VCL: variants seen among roughly 807,000 people sequenced by gnomAD.
The protein encoded by VCL is epididymis luminal protein 114.
A neutral mutation model predicts 125.7 loss-of-function variants in VCL; 47 were observed. The observed-to-expected ratio is 0.37, with a 90% CI of 0.30 to 0.48. The LOEUF (loss-of-function observed/expected upper bound fraction) is 0.48. Among genes scored for constraint, VCL ranks in the 20% least tolerant of loss-of-function variants. The pLI is 0.99. For missense variants in VCL, 1,069 were observed against 1,455.5 expected (o/e 0.73, Z 4.32); for synonymous variants, 458 against 514.6 (o/e 0.89, Z 1.49).
In VCL at chr10:74,074,908, G is replaced by T; in HGVS notation, c.783+5G>T. On this transcript the variant is annotated splice_donor_5th_base_variant and intron_variant, in intron 6 of 21. Coordinates refer to ENST00000211998, the MANE Select transcript of VCL (RefSeq NM_014000.3). ...GAAGATGCCTGGGCCAGCAAGGTAC[G>T]TGTTCTTAGTGGAGAAATAAGCAAA... 1 of 1,614,142 alleles carries T rather than the reference G, an allele frequency of 6.2e-7. No homozygotes were observed. The highest frequency in any genetic ancestry group is 1.3e-5 in the African/African-American group (1 of 75,046).
chr10:74,022,473 GA>G (rs1305377445), intron 1 of VCL, among the ~76,000 whole-genome samples: 1 of 151,802 alleles, frequency 6.6e-6, no homozygotes, highest in East Asian at 2.0e-4. Context: ...TTGAACCCAG[GA>G]GGCAGCAGTT....
At chr10:74,080,032 C>A (rs1406498817) in intron 6 of VCL, among the ~76,000 whole-genome samples, 1 of 152,136 alleles carries the variant, frequency 6.6e-6, no homozygotes, top group African/African-American at 2.4e-5. Flanking sequence ...GAATTACATT[C>A]TTTCCTTGCA....
At position 74,072,778 on chromosome 10, in the gene VCL, C is replaced by T. The variant is rs781748134; in HGVS notation, c.548C>T (p.Thr183Ile). The change falls in exon 5 of 22, where the codon ACT (threonine) becomes ATT (isoleucine). Residue 183 changes from threonine (T) to isoleucine (I), a missense_variant. Thr to Ile is a moderately conservative substitution (Grantham distance 89). Coordinates refer to ENST00000211998, the MANE Select transcript of VCL (RefSeq NM_014000.3). ...KMIDERQQEL[T>I]HQEHRVMLVN... ...ATTGACGAGAGACAGCAGGAGCTCA[C>T]TCACCAGGAGCACCGAGTGATGTTG... The T allele has an allele frequency of 6.2e-7, 1 of 1,614,110 alleles. No individual in the cohort carries two copies. Among genetic ancestry groups the T allele is most frequent in the Non-Finnish European group, 8.5e-7 (1 of 1,180,004 alleles).
chr10:74,004,275 A>C (rs1044642946), intron 1 of VCL, among the ~76,000 whole-genome samples: 1 of 152,240 alleles, frequency 6.6e-6, no homozygotes, highest in Non-Finnish European at 1.5e-5. Context: ...GTGATCATTT[A>C]TAGCTCATAA....
At position 74,040,169 on chromosome 10, in the gene VCL, A is replaced by G. The variant is rs541686822; in HGVS notation, c.169-2914A>G. ...TCCAGCCCGTACTCTTTATTATAGC[A>G]TCATTCTTACCATTATCTGGAATCA... On this transcript the variant is annotated intron_variant, in intron 1 of 21. Transcript: ENST00000211998. 1.9e-4 allele frequency among the ~76,000 whole-genome samples: 29 copies of G among 152,266 alleles called. No individual in the cohort carries two copies. In the South Asian group the frequency reaches 4.6e-3, roughly 24 times the overall value.
chr10:74,080,394 T>C (rs543025744), intron 6 of VCL, among the ~76,000 whole-genome samples: 6 of 152,272 alleles, frequency 3.9e-5, no homozygotes, highest in African/African-American at 1.2e-4. Context: ...TAGGAGTCAG[T>C]TCCTGTTTCT....
chr10:74,043,048 T>C (rs769643396), intron 1 of VCL, 35 bp from the exon 2 acceptor site: 126 of 1,573,306 alleles, frequency 8.0e-5, no homozygotes, highest in Non-Finnish European at 1.1e-4. Context: ...GTCTGAGAAT[T>C]TATATTTGAA....
In VCL at chr10:74,097,079, C is replaced by G; in HGVS notation, c.1744-125C>G. ...CTGTGCTAGCTCAGTGCTTTGTACACAGTTAACAAATATTTATTGAATGAA... is the reference window on the plus strand; with the variant it reads ...CTGTGCTAGCTCAGTGCTTTGTACAGAGTTAACAAATATTTATTGAATGAA... On this transcript the variant is annotated intron_variant, in intron 12 of 21. Transcript: ENST00000211998. The surrounding 1 kb of genome is among the most constrained non-coding windows in gnomAD (Gnocchi z 4.1). 7.1e-7 allele frequency: 1 copy of G among 1,403,662 alleles called. No individual in the cohort carries two copies. The highest frequency in any genetic ancestry group is 2.5e-5 in the East Asian group (1 of 40,604). The allele number at this position is 1,403,662 out of a possible 1,614,324, so 87.0% of individuals were successfully genotyped here.
At chr10:74,037,096 G>A (rs189081226) in intron 1 of VCL, among the ~76,000 whole-genome samples, 5 of 152,102 alleles carry the variant, frequency 3.3e-5, no homozygotes, top group Admixed American at 3.3e-4. Flanking sequence ...ATTTTTAGTC[G>A]AGACGGGGTT....
intron 1 of VCL, among the ~76,000 whole-genome samples, chr10:74,010,438 C>G (rs896596789): frequency 6.6e-6 from 1 of 152,048 alleles, no homozygotes; most frequent in Non-Finnish European, 1.5e-5. Context: ...TTTCTTGTTA[C>G]AAAATAATGC....
At chr10:74,101,450 C>T (rs1180354592) in intron 14 of VCL, among the ~76,000 whole-genome samples, 1 of 152,028 alleles carries the variant, frequency 6.6e-6, no homozygotes, top group Non-Finnish European at 1.5e-5. Flanking sequence ...TGCCCCACTG[C>T]CCTCCAGCCT....
intron 2 of VCL, among the ~76,000 whole-genome samples, chr10:74,052,966 T>G (rs1338808956): frequency 6.7e-6 from 1 of 149,020 alleles, no homozygotes; most frequent in African/African-American, 2.5e-5. Context: ...TATATATATA[T>G]AGTGCTGAAT....
rs201488697 is a variant in VCL, at chr10:74,097,185, T to G, written c.1744-19T>G. The G allele has an allele frequency of 1.9e-4, 314 of 1,612,636 alleles. No homozygotes were observed. Among genetic ancestry groups the G allele is most frequent in the Middle Eastern group, 3.3e-4 (2 of 6,082 alleles). ...GAGGATGTATCTGGACATTTTCATA[T>G]GTAAACAATGTTTTTAAGGATCTAA... On this transcript the variant is annotated intron_variant, in intron 12 of 21. Coordinates refer to ENST00000211998, the MANE Select transcript of VCL (RefSeq NM_014000.3). This position sits in a 1 kb window ranked among gnomAD's most constrained non-coding sequence, Gnocchi z 4.1.
At chr10:74,091,791 C>CAAAAAAAAAAAAAA (rs545539526) in intron 10 of VCL, among the ~76,000 whole-genome samples, 4 of 61,100 alleles carry the variant, frequency 6.5e-5, no homozygotes, top group African/African-American at 1.6e-4. Context: ...TCTGTCTCAG[C>CAAAAAAAAAAAAAA]AAAAAAAAAA....
chr10:74,105,085 G>T lies in VCL; in HGVS notation c.2166G>T (p.Leu722=). ...ACGAAGCCATTGATACCAAATCTCT[G>T]TTGGATGCTTCAGAAGAAGCAATTA... ...LVDEAIDTKS[L]LDASEEAIKK... is the part of the protein sequence containing the mutation. The change falls in exon 16 of 22, where the codon CTG becomes CTT. Residue 722 remains leucine, a synonymous_variant. Transcript: ENST00000211998. 2 of 1,614,190 alleles carry T rather than the reference G, an allele frequency of 1.2e-6. No individual in the cohort carries two copies. The highest frequency in any genetic ancestry group is 1.7e-6 in the Non-Finnish European group (2 of 1,180,034).
At chr10:74,114,649 A>G (rs546080883) in intron 20 of VCL, 146 bp from the exon 21 acceptor site, 36 of 974,174 alleles carry the variant, frequency 3.7e-5, no homozygotes, top group East Asian at 2.9e-4. Flanking sequence ...ACCCTAGGGG[A>G]AAAAACAAGT....
rs949964674 is a variant in VCL at position 74,112,247 on chromosome 10, T to C, written c.2949+135T>C. On this transcript the variant is annotated intron_variant, in intron 19 of 21. Coordinates refer to ENST00000211998, the MANE Select transcript of VCL (RefSeq NM_014000.3). The stretch of plus-strand genomic sequence containing the variant: ...GGCGGGCATCTGTCTGTCTGCACCA[T>C]GTTGTTAGGACTGGCTTCACAAGTT... The C allele has an allele frequency of 3.5e-6, 4 of 1,142,286 alleles. No homozygotes were observed. The African/African-American group carries it at 6.1e-5, about 17-fold the overall frequency. The allele number at this position is 1,142,286 out of a possible 1,614,324, so 70.8% of individuals were successfully genotyped here. A position where few individuals can be genotyped will look rare whatever the true frequency, so the allele number is the denominator to read the frequency against.
chr10:74,030,108 C>A (rs1255992580), intron 1 of VCL, among the ~76,000 whole-genome samples: 4 of 152,144 alleles, frequency 2.6e-5, no homozygotes, highest in Non-Finnish European at 5.9e-5. Context: ...TCAGGTGGTA[C>A]AAATTCTGAT....
chr10:74,034,998 G>T (rs1011329021), intron 1 of VCL, among the ~76,000 whole-genome samples: 2 of 152,172 alleles, frequency 1.3e-5, no homozygotes, highest in Non-Finnish European at 2.9e-5. Context: ...ACAGGCAAAT[G>T]GGTACACATT....
Sources: gnomAD v4.1 joint callset for allele counts (sites outside exome capture counted in the v4.1 genomes callset) on GRCh38, gnomAD v4.1.1 for gene constraint, Gnocchi (gnomAD v3.1) non-coding constraint, MANE v1.5 for transcripts, NCBI Gene and HGNC (gene_info 2026-07-23, HGNC 2026-07-21) for gene names.